The following FAM222B variants were observed in gnomAD, a reference collection of about 807,000 sequenced individuals.
The protein encoded by FAM222B is family with sequence similarity 222 member B, also known as protein FAM222B.
A neutral mutation model predicts 38.0 loss-of-function variants in FAM222B; 12 were observed. That is an observed-to-expected ratio of 0.32 (90% confidence interval 0.20 to 0.51). The LOEUF (loss-of-function observed/expected upper bound fraction) is 0.51. FAM222B is among the 20% of genes least tolerant of loss of function. The pLI is 0.97. For synonymous variants in FAM222B, 329 were observed against 317.2 expected (o/e 1.04, Z -0.40); for missense variants, 716 against 754.2 (o/e 0.95, Z 0.59).
At chr17:28,780,313 G>A (rs368656495) in intron 1 of FAM222B, among the ~76,000 whole-genome samples, 2 of 151,924 alleles carry the variant, frequency 1.3e-5, no homozygotes, top group African/African-American at 2.4e-5. Context: ...CATCTAAATC[G>A]GAAAGGAAGT....
intron 1 of FAM222B, among the ~76,000 whole-genome samples, chr17:28,787,960 G>C (rs1431661572): frequency 6.6e-6 from 1 of 151,930 alleles, no homozygotes; most frequent in Non-Finnish European, 1.5e-5. Flanking sequence ...GAGTGGCTAG[G>C]ATTACAGGAA....
At chr17:28,846,372 A>G (rs868008615), upstream of FAM222B, among the ~76,000 whole-genome samples, 2 of 151,596 alleles carry the variant, frequency 1.3e-5, no homozygotes, top group South Asian at 4.2e-4. Flanking sequence ...TCTCAAAAAA[A>G]TTTTTTTAAT....
Position 28,778,876 on chromosome 17 carries a change from C to T in FAM222B, c.-40-12169G>A, listed in dbSNP as rs77677961. Among the ~76,000 whole-genome samples the T allele has an allele frequency of 4.3e-4, 65 of 150,560 alleles. 1 individual carries two copies. In the East Asian group the frequency reaches 0.011, roughly 24 times the overall value. ...ACCTCACCAAGCCAATTTTTCATTA[C>T]GTTATATAATAGACTTGAGGTTTCA... On this transcript the variant is annotated intron_variant, in intron 1 of 2. Transcript: ENST00000581407.
intron 1 of FAM222B, among the ~76,000 whole-genome samples, chr17:28,823,111 C>A (rs1365814007): frequency 1.3e-5 from 2 of 151,046 alleles, no homozygotes; most frequent in Admixed American, 1.3e-4. Context: ...TACTTAGTTA[C>A]AATGACACAG....
At chr17:28,850,803 C>T (rs528637576) in intron 1 of FAM222B, among the ~76,000 whole-genome samples, 9 of 152,180 alleles carry the variant, frequency 5.9e-5, no homozygotes, top group African/African-American at 1.9e-4. Flanking sequence ...TGAACAGGTT[C>T]TTTCTATAAA....
At chr17:28,796,593 G>A (rs1414301145) in intron 1 of FAM222B, among the ~76,000 whole-genome samples, 3 of 152,080 alleles carry the variant, frequency 2.0e-5, no homozygotes, top group Non-Finnish European at 4.4e-5. Flanking sequence ...GTAGTAGTAA[G>A]AAGAGACAGT....
intron 1 of FAM222B, among the ~76,000 whole-genome samples, chr17:28,770,992 G>A (rs374615924): frequency 1.3e-5 from 2 of 150,768 alleles, no homozygotes; most frequent in East Asian, 1.9e-4. Flanking sequence ...ATATATGTGT[G>A]TGTATATATA....
At chr17:28,799,270 G>A (rs2037100523) in intron 1 of FAM222B, among the ~76,000 whole-genome samples, 1 of 149,050 alleles carries the variant, frequency 6.7e-6, no homozygotes, top group Non-Finnish European at 1.5e-5. Flanking sequence ...ACCGCGACTG[G>A]CCTCTTGTTT....
chr17:28,772,667 T>C (rs1252256744), intron 1 of FAM222B, among the ~76,000 whole-genome samples: 7 of 148,798 alleles, frequency 4.7e-5, no homozygotes, highest in Non-Finnish European at 7.4e-5. Context: ...GAGGCCAAGG[T>C]GGGCAGATCA....
intron 1 of FAM222B, among the ~76,000 whole-genome samples, chr17:28,840,064 T>C (rs2038981411): frequency 1.3e-5 from 2 of 151,844 alleles, no homozygotes; most frequent in South Asian, 4.2e-4. Flanking sequence ...TTAAAAGGAG[T>C]CTGCATCTCT....
intron 1 of FAM222B, among the ~76,000 whole-genome samples, chr17:28,783,941 G>A (rs909152542): frequency 6.6e-6 from 1 of 151,484 alleles, no homozygotes; most frequent in Admixed American, 6.6e-5. Flanking sequence ...TGGGGTTACA[G>A]GCTCCTGCCA....
intron 1 of FAM222B, among the ~76,000 whole-genome samples, chr17:28,830,230 T>C (rs1039648722): frequency 4.7e-5 from 7 of 148,658 alleles, no homozygotes; most frequent in South Asian, 2.2e-4. Context: ...GGCGCGATCT[T>C]GGCTCACCAC....
chr17:28,818,987 T>C (rs1418401626), intron 1 of FAM222B, among the ~76,000 whole-genome samples: 1 of 152,220 alleles, frequency 6.6e-6, no homozygotes, highest in Non-Finnish European at 1.5e-5. Flanking sequence ...CTGGACGCTG[T>C]TTCCCCACAA....
intron 1 of FAM222B, among the ~76,000 whole-genome samples, chr17:28,783,564 G>C (rs2036254572): frequency 6.6e-6 from 1 of 150,890 alleles, no homozygotes; most frequent in Admixed American, 6.6e-5. Flanking sequence ...CCAGGCTGGA[G>C]TGCAGTGGCA....
chr17:28,808,923 G>A (rs1459448866), intron 1 of FAM222B, among the ~76,000 whole-genome samples: 2 of 152,100 alleles, frequency 1.3e-5, no homozygotes, highest in African/African-American at 4.8e-5. Context: ...AATGCCAAGG[G>A]CCCAATATTT....
At chr17:28,795,265 C>T (rs1265141591) in intron 1 of FAM222B, among the ~76,000 whole-genome samples, 1 of 152,152 alleles carries the variant, frequency 6.6e-6, no homozygotes, top group Non-Finnish European at 1.5e-5. Flanking sequence ...CCACCTCAGC[C>T]TGCCAAGTAG....
In FAM222B at chr17:28,792,367, G is replaced by C. The variant is rs141613275; in HGVS notation, c.-40-25660C>G. Among the ~76,000 whole-genome samples, 89 of 150,444 alleles carry C rather than the reference G, an allele frequency of 5.9e-4. 1 individual carries two copies. Among genetic ancestry groups the C allele is most frequent in the African/African-American group, 2.1e-3 (87 of 41,002 alleles). Reference sequence around the variant, plus strand: ...GTGGTGGTGTGTGCCTGCAGTCCCAGCTACTTGGGAGCTAAGGTGGGAGAA... The same window carrying C: ...GTGGTGGTGTGTGCCTGCAGTCCCACCTACTTGGGAGCTAAGGTGGGAGAA... On this transcript the variant is annotated intron_variant, in intron 1 of 2. Transcript: ENST00000581407.
intron 1 of FAM222B, among the ~76,000 whole-genome samples, chr17:28,800,366 A>G (rs1362815613): frequency 6.6e-6 from 1 of 152,084 alleles, no homozygotes; most frequent in African/African-American, 2.4e-5. Flanking sequence ...GAACTGAAAG[A>G]TGAGCAGATG....
At chr17:28,776,856 G>C (rs1463111792) in intron 1 of FAM222B, among the ~76,000 whole-genome samples, 1 of 152,034 alleles carries the variant, frequency 6.6e-6, no homozygotes, top group Non-Finnish European at 1.5e-5. Context: ...ACCTAAGGGA[G>C]ACACCAAAAT....
Sources: gnomAD v4.1 joint callset for allele counts (sites outside exome capture counted in the v4.1 genomes callset) on GRCh38, gnomAD v4.1.1 for gene constraint, MANE v1.5 for transcripts, NCBI Gene and HGNC (gene_info 2026-07-23, HGNC 2026-07-21) for gene names.